YAE1: variants seen among roughly 807,000 people sequenced by gnomAD.
The protein encoded by YAE1 is protein YAE1 homolog.
YAE1 carries 22 observed loss-of-function variants against 23.0 expected under a neutral mutation model. That is an observed-to-expected ratio of 0.96 (90% CI 0.68 to 1.37). The LOEUF (loss-of-function observed/expected upper bound fraction) is 1.37. Ranked by LOEUF, YAE1 falls within the 40% of genes most tolerant of loss-of-function variation. YAE1 has a pLI of 0.00. For missense variants in YAE1, 260 were observed against 262.1 expected, an observed-to-expected ratio of 0.99 and a Z score of 0.06; for synonymous variants, 101 against 97.0, an observed-to-expected ratio of 1.04 and a Z score of -0.24.
At position 39,585,338 on chromosome 7, in the gene YAE1, G is replaced by T. The variant is rs544792434; in HGVS notation, c.251+14711G>T. ...TGACTGTATTTGGAGATAGAAGTGT[G>T]CCCTAACCCAGTCTGACCAGTATCC... On this transcript the variant is annotated intron_variant, in intron 2 of 2. Coordinates refer to the YAE1 transcript ENST00000432096. Among the ~76,000 whole-genome samples the T allele has an allele frequency of 7.2e-5, 11 of 152,116 alleles. No individual in the cohort carries two copies. The South Asian group carries it at 2.3e-3, about 32-fold the overall frequency.
chr7:39,596,331 C>T (rs539039231), intron 2 of YAE1, among the ~76,000 whole-genome samples: 11 of 152,110 alleles, frequency 7.2e-5, no homozygotes, highest in Admixed American at 6.5e-4. Flanking sequence ...CCTCAGCCTC[C>T]CAGTTCTCCT....
At chr7:39,567,907 A>T (rs1445168596) in intron 1 of YAE1, among the ~76,000 whole-genome samples, 1 of 152,200 alleles carries the variant, frequency 6.6e-6, no homozygotes, top group Non-Finnish European at 1.5e-5. Flanking sequence ...AAAACTATGT[A>T]TGCCCTTTAA....
chr7:39,572,274 C>A lies in YAE1; in HGVS notation c.252-3C>A. 2.5e-6 allele frequency: 4 copies of A among 1,599,802 alleles called. No individual in the cohort carries two copies. In the South Asian group the frequency reaches 4.5e-5, roughly 18 times the overall value. ...TTTAACCCTTGTTTATACTTTTGTT[C>A]AGTGCTTTGCTCTCCTGGTGTCACC... On this transcript the variant is annotated splice_region_variant and splice_polypyrimidine_tract_variant and intron_variant, in intron 2 of 2. Transcript: ENST00000223273.
intron 2 of YAE1, among the ~76,000 whole-genome samples, chr7:39,587,688 T>C (rs577034525): frequency 3.8e-4 from 58 of 152,340 alleles, no homozygotes; most frequent in African/African-American, 1.3e-3. Context: ...CAAACACTTA[T>C]GTATCAAAAT....
In YAE1 at chr7:39,572,606, C is replaced by T. The variant is rs1341651898; in HGVS notation, c.581C>T (p.Ser194Leu). 1 of 1,614,048 alleles carries T rather than the reference C, an allele frequency of 6.2e-7. No individual in the cohort carries two copies. Among genetic ancestry groups the T allele is most frequent in the Non-Finnish European group, 8.5e-7 (1 of 1,179,938 alleles). ...ECCRTQEHAH[S>L]ENPSPTWILE... ...TGTAGAACACAGGAGCATGCACATT[C>T]AGAAAACCCAAGCCCCACATGGATT... is the stretch of plus-strand genomic sequence containing the variant. Residue 194 changes from serine (S) to leucine (L), a missense_variant, in exon 3 of 3, where the codon TCA (serine) becomes TTA (leucine). Transcript: ENST00000223273.
At chr7:39,579,104 G>T (rs1442842536) in intron 2 of YAE1, among the ~76,000 whole-genome samples, 1 of 152,138 alleles carries the variant, frequency 6.6e-6, no homozygotes, top group East Asian at 1.9e-4. Context: ...GTTAACGCAG[G>T]CAGTGTTTAC....
At chr7:39,610,099 T>A in exon 3 of YAE1, 1 of 1,270,764 alleles carries the variant, frequency 7.9e-7, no homozygotes, top group South Asian at 1.6e-5. Context: ...CAGCCCACCT[T>A]GGCCCTCCGG....
At position 39,572,363 on chromosome 7, in the gene YAE1, G is replaced by C; in HGVS notation, c.338G>C (p.Cys113Ser). Reference protein sequence around the residue: ...INNLLDAVGQCEEYVLKHLKS... With the variant: ...INNLLDAVGQSEEYVLKHLKS... ...AATCTTCTGGATGCAGTTGGCCAGT[G>C]TGAAGAGTATGTGCTCAAACATCTG... Residue 113 changes from cysteine to serine, a missense_variant, in exon 3 of 3, where the codon TGT becomes TCT. By Grantham distance (112) the Cys-to-Ser change is moderately radical (BLOSUM62 -1). Transcript: ENST00000223273. 1.2e-6 allele frequency: 2 copies of C among 1,614,110 alleles called. No homozygotes were observed. The highest frequency in any genetic ancestry group is 2.2e-5 in the East Asian group (1 of 44,870).
downstream of YAE1, among the ~76,000 whole-genome samples, chr7:39,574,758 C>G (rs1790627580): frequency 6.8e-6 from 1 of 146,190 alleles, no homozygotes; most frequent in Non-Finnish European, 1.5e-5. Context: ...AAAAAAAATC[C>G]GACAGCCATG....
At chr7:39,581,556 C>G (rs1307893520) in intron 2 of YAE1, among the ~76,000 whole-genome samples, 1 of 152,110 alleles carries the variant, frequency 6.6e-6, no homozygotes, top group Non-Finnish European at 1.5e-5. Context: ...AAAAATTACA[C>G]CATGGAACAG....
Position 39,572,832 on chromosome 7 carries a change from T to A in YAE1, c.*126T>A. ...GTTACCCTTTATGGAAGTTTGAAAT[T>A]AACACTATTGTCTTCAAAATTAACA... On this transcript the variant is annotated 3_prime_UTR_variant, in exon 3 of 3. Coordinates refer to ENST00000223273, the MANE Select transcript of YAE1 (RefSeq NM_020192.5). 1 of 1,401,078 alleles carries A rather than the reference T, an allele frequency of 7.1e-7. No homozygotes were observed. The highest frequency in any genetic ancestry group is 9.2e-7 in the Non-Finnish European group (1 of 1,081,352). The allele number at this position is 1,401,078 out of a possible 1,614,324, so 86.8% of individuals were successfully genotyped here.
At chr7:39,609,640 T>A in exon 3 of YAE1, 1 of 1,535,508 alleles carries the variant, frequency 6.5e-7, no homozygotes, top group East Asian at 2.4e-5. Context: ...TGGAGCCTAC[T>A]GGGCTTGAGA....
chr7:39,603,929 G>A (rs1455224552), intron 2 of YAE1, among the ~76,000 whole-genome samples: 3 of 152,144 alleles, frequency 2.0e-5, no homozygotes, highest in African/African-American at 4.8e-5. Context: ...TGAGATGAGG[G>A]TTAACTCAGT....
chr7:39,575,537 GGAGAGAGAGAGAGAGAGA>G (rs56954676), downstream of YAE1, among the ~76,000 whole-genome samples: 17 of 131,284 alleles, frequency 1.3e-4, no homozygotes, highest in South Asian at 8.3e-4. Context: ...CTAAGATACA[GGAGAGAGAGAGAGAGAGA>G]GAGAGAGAGA....
At chr7:39,598,107 G>A (rs1244161191) in intron 2 of YAE1, among the ~76,000 whole-genome samples, 2 of 151,826 alleles carry the variant, frequency 1.3e-5, no homozygotes, top group Non-Finnish European at 2.9e-5. Context: ...ACCATGCCCT[G>A]CCAAGTTTGT....
downstream of YAE1, among the ~76,000 whole-genome samples, chr7:39,574,589 C>G (rs1184341806): frequency 6.6e-6 from 1 of 151,990 alleles, no homozygotes; most frequent in African/African-American, 2.4e-5. Flanking sequence ...AAAAATGAGC[C>G]AGGCATGGTG....
chr7:39,588,831 T>TTC (rs1790859592), intron 2 of YAE1, among the ~76,000 whole-genome samples: 1 of 151,578 alleles, frequency 6.6e-6, no homozygotes, highest in Non-Finnish European at 1.5e-5. Context: ...GTTTTTTTTT[T>TTC]CTTTTTTTTG....
chr7:39,574,851 G>A (rs1273496217), downstream of YAE1, among the ~76,000 whole-genome samples: 1 of 152,096 alleles, frequency 6.6e-6, no homozygotes, highest in Non-Finnish European at 1.5e-5. Flanking sequence ...GCTGCAGTGA[G>A]ATAAGATCAC....
In YAE1 at chr7:39,572,420, A is replaced by T. The variant is rs1790585309; in HGVS notation, c.395A>T (p.Asp132Val). 6.2e-7 allele frequency: 1 copy of T among 1,614,046 alleles called. No individual in the cohort carries two copies. Among genetic ancestry groups the T allele is most frequent in the Admixed American group, 1.7e-5 (1 of 60,006 alleles). ...ATCACTCCACCGTCCCATGTTGTAGATTTATTGGACTCCATTGAGGATATG... is the reference window on the plus strand; with the variant it reads ...ATCACTCCACCGTCCCATGTTGTAGTTTTATTGGACTCCATTGAGGATATG... ...KSITPPSHVV[D>V]LLDSIEDMDL... Residue 132 changes from aspartate (D) to valine (V), a missense_variant, in exon 3 of 3, where the codon GAT (aspartate) becomes GTT (valine). Transcript: ENST00000223273.
Sources: allele counts gnomAD v4.1 joint callset (sites outside exome capture counted in the v4.1 genomes callset), GRCh38; gene constraint gnomAD v4.1.1; transcripts MANE v1.5; gene names NCBI Gene and HGNC (gene_info 2026-07-23, HGNC 2026-07-21).